Variants in CDH18 observed in about 807,000 individuals in gnomAD.
CDH18 encodes the protein cadherin-18.
Under a neutral mutation model 67.9 loss-of-function variants are expected in CDH18, and 31 were observed. The ratio of observed to expected loss-of-function variants is 0.46; its 90% CI spans 0.34 to 0.62. The LOEUF (loss-of-function observed/expected upper bound fraction) is 0.62. Among genes scored for constraint, CDH18 ranks in the 20% least tolerant of loss-of-function variants. The pLI, the probability that CDH18 is intolerant of heterozygous loss-of-function variation, is 0.01. For missense variants in CDH18, 890 were observed against 975.5 expected, an observed-to-expected ratio of 0.91 and a Z score of 1.17; for synonymous variants, 362 against 347.2, an observed-to-expected ratio of 1.04 and a Z score of -0.48.
intron 3 of CDH18, among the ~76,000 whole-genome samples, chr5:19,802,268 T>C (rs1300902087): frequency 6.6e-6 from 1 of 152,174 alleles, no homozygotes; most frequent in African/African-American, 2.4e-5. Flanking sequence ...GCATGCAAAG[T>C]AGCTAATGAA....
chr5:19,803,984 G>A (rs1777744308), intron 3 of CDH18: 1 of 152,388 alleles, frequency 6.6e-6, no homozygotes, highest in African/African-American at 2.4e-5. Flanking sequence ...AGCTGGGCGT[G>A]GTGGCGGGCG....
intron 3 of CDH18, among the ~76,000 whole-genome samples, chr5:19,755,689 G>A (rs1259705416): frequency 6.6e-6 from 1 of 150,900 alleles, no homozygotes; most frequent in East Asian, 2.0e-4. Flanking sequence ...CACACAATAA[G>A]CTTTCTGCAA....
chr5:20,116,338 C>T (rs1261588589), intron 2 of CDH18, among the ~76,000 whole-genome samples: 1 of 151,920 alleles, frequency 6.6e-6, no homozygotes, highest in Non-Finnish European at 1.5e-5. Flanking sequence ...GATGAAACCC[C>T]CATGTCTACT....
rs1331274051 is a variant in CDH18, at chr5:20,056,712, G to A, written c.-517-64698C>T. Among the ~76,000 whole-genome samples the A allele has an allele frequency of 3.8e-5, 4 of 106,244 alleles. No individual in the cohort carries two copies. The Admixed American group carries it at 4.1e-4, about 11-fold the overall frequency. The allele number at this position is 106,244 out of a possible 152,430, so 69.7% of individuals were successfully genotyped here. Reference sequence around the variant, plus strand: ...TTTTTTTTTTTTTTTTTGAGACGAAGTCTCACTGTCGCCCAGGCTGGAGTG... The same window carrying A: ...TTTTTTTTTTTTTTTTTGAGACGAAATCTCACTGTCGCCCAGGCTGGAGTG... On this transcript the variant is annotated intron_variant, in intron 2 of 14. Coordinates refer to the CDH18 transcript ENST00000507958.
At chr5:19,891,148 C>G (rs1437725387) in intron 2 of CDH18, among the ~76,000 whole-genome samples, 1 of 152,112 alleles carries the variant, frequency 6.6e-6, no homozygotes, top group Non-Finnish European at 1.5e-5. Flanking sequence ...TATCCCTGTT[C>G]TAAATGATAT....
rs186693022 is a variant in CDH18, at chr5:19,774,135, T to C, written c.229-26899A>G. Among the ~76,000 whole-genome samples the C allele has an allele frequency of 2.6e-3, 390 of 152,258 alleles. 3 individuals carry two copies. The highest frequency in any genetic ancestry group is 9.0e-3 in the African/African-American group (375 of 41,548). ...GAGGTGATGAAAAAGCTAGCATAGA[T>C]AAACACCTACATTTTAGAGCTCAGA... On this transcript the variant is annotated intron_variant, in intron 3 of 12. Coordinates refer to ENST00000382275, the MANE Select transcript of CDH18 (RefSeq NM_004934.5).
chr5:20,281,469 T>C (rs1746266910), intron 1 of CDH18, among the ~76,000 whole-genome samples: 2 of 152,210 alleles, frequency 1.3e-5, no homozygotes, highest in African/African-American at 2.4e-5. Flanking sequence ...TAGGGAATCC[T>C]TTCCCTATTT....
At chr5:20,479,074 T>A (rs1393862128) in intron 1 of CDH18, among the ~76,000 whole-genome samples, 1 of 152,158 alleles carries the variant, frequency 6.6e-6, no homozygotes, top group Non-Finnish European at 1.5e-5. Flanking sequence ...CATATATGGC[T>A]GCATTGACCA....
intron 9 of CDH18, among the ~76,000 whole-genome samples, chr5:19,528,077 C>A (rs137941305): frequency 1.3e-4 from 19 of 151,652 alleles, no homozygotes; most frequent in Admixed American, 1.2e-3. Context: ...ATAAAGTAAA[C>A]GAAAAATATG....
chr5:20,446,410 C>T (rs567155067), intron 1 of CDH18, among the ~76,000 whole-genome samples: 6 of 152,060 alleles, frequency 3.9e-5, no homozygotes, highest in South Asian at 2.1e-4. Flanking sequence ...AAACCCACTC[C>T]GCAGGCCAAG....
At chr5:20,086,182 C>G (rs59492270) in intron 2 of CDH18, among the ~76,000 whole-genome samples, 18,535 of 152,214 alleles carry the variant, frequency 0.12, 1,336 homozygotes, top group African/African-American at 0.19. Flanking sequence ...AAACTAGCCA[C>G]ATTACCTTAA....
At chr5:19,618,936 C>T (rs751452304) in intron 5 of CDH18, among the ~76,000 whole-genome samples, 1 of 152,128 alleles carries the variant, frequency 6.6e-6, no homozygotes, top group Non-Finnish European at 1.5e-5. Context: ...AGCAGTAAGT[C>T]TTCTCTTCAA....
intron 2 of CDH18, among the ~76,000 whole-genome samples, chr5:20,055,407 G>A (rs1364738759): frequency 5.9e-5 from 9 of 152,210 alleles, no homozygotes; most frequent in Admixed American, 5.9e-4. Flanking sequence ...TGTGGAGTCA[G>A]CTTTTAAGTG....
intron 5 of CDH18, among the ~76,000 whole-genome samples, chr5:19,715,989 T>C (rs1181827620): frequency 6.6e-6 from 1 of 152,002 alleles, no homozygotes; most frequent in African/African-American, 2.4e-5. Flanking sequence ...GACTAATTTT[T>C]GTATTTTTCA....
chr5:20,394,028 AC>A (rs1745085515), intron 1 of CDH18, among the ~76,000 whole-genome samples: 1 of 152,062 alleles, frequency 6.6e-6, no homozygotes, highest in Non-Finnish European at 1.5e-5. Context: ...CAAATTAACA[AC>A]ATCATTTTTA....
At chr5:19,977,606 A>G (rs1227859903) in intron 2 of CDH18, among the ~76,000 whole-genome samples, 3 of 152,204 alleles carry the variant, frequency 2.0e-5, no homozygotes, top group Admixed American at 2.0e-4. Context: ...ATAACCAGGT[A>G]TAAGCAAACA....
chr5:19,684,315 T>C (rs1330576841), intron 5 of CDH18, among the ~76,000 whole-genome samples: 1 of 151,654 alleles, frequency 6.6e-6, no homozygotes, highest in Non-Finnish European at 1.5e-5. Context: ...AATTTATACA[T>C]TTTTCTACCA....
chr5:20,331,704 C>G (rs1320833979), intron 1 of CDH18, among the ~76,000 whole-genome samples: 1 of 152,074 alleles, frequency 6.6e-6, no homozygotes, highest in African/African-American at 2.4e-5. Flanking sequence ...TCCTCCTCCC[C>G]CCAGCTGGAG....
chr5:19,658,829 T>C lies in CDH18; in HGVS notation c.644-46228A>G, dbSNP rs147799904. Among the ~76,000 whole-genome samples the C allele has an allele frequency of 5.0e-4, 76 of 152,108 alleles. 1 individual carries two copies. In the East Asian group the frequency reaches 0.012, roughly 25 times the overall value. On this transcript the variant is annotated intron_variant, in intron 5 of 12. Transcript: ENST00000382275. ...TCGCCCACCCCACAACAGGCCCTGG[T>C]GTGTGATGTTCTCCTTCCTGTGTCC...
Sources: gnomAD v4.1 joint callset for allele counts (sites outside exome capture counted in the v4.1 genomes callset) on GRCh38, gnomAD v4.1.1 for gene constraint, MANE v1.5 for transcripts, NCBI Gene and HGNC (gene_info 2026-07-23, HGNC 2026-07-21) for gene names.